The following PCGF5 variants were observed in gnomAD, a reference collection of about 807,000 sequenced individuals.
PCGF5 encodes the protein polycomb group ring finger 5.
Under a neutral mutation model 44.3 loss-of-function variants are expected in PCGF5, and 9 were observed. The observed-to-expected ratio is 0.20, with a 90% confidence interval of 0.12 to 0.35. The LOEUF is 0.35. Among genes scored for constraint, PCGF5 ranks in the 10% least tolerant of loss-of-function variants. The pLI is 1.00. For missense variants in PCGF5, 146 were observed against 305.3 expected (o/e 0.48, Z 3.89); for synonymous variants, 95 against 102.5 (o/e 0.93, Z 0.44).
chr10:91,279,286 A>C lies in PCGF5; in HGVS notation c.*970A>C, dbSNP rs1437849137. Reference sequence around the variant, plus strand: ...AATATTAGGATTTTTAGAGCACATAACATTAGCTATTTTATGGATTTCAAA... The same window carrying C: ...AATATTAGGATTTTTAGAGCACATACCATTAGCTATTTTATGGATTTCAAA... On this transcript the variant is annotated 3_prime_UTR_variant, in exon 10 of 10. Transcript: ENST00000336126. 2 of 152,160 alleles carry C rather than the reference A, an allele frequency of 1.3e-5. No homozygotes were observed. Among genetic ancestry groups the C allele is most frequent in the African/African-American group, 4.8e-5 (2 of 41,446 alleles). The allele number at this position is 152,160 out of a possible 1,614,324, so 9.4% of individuals were successfully genotyped here. A position where few individuals can be genotyped will look rare whatever the true frequency, so the allele number is the denominator to read the frequency against.
chr10:91,222,009 A>G (rs1273255081), intron 1 of PCGF5, among the ~76,000 whole-genome samples: 1 of 152,196 alleles, frequency 6.6e-6, no homozygotes, highest in Non-Finnish European at 1.5e-5. Flanking sequence ...CCTGCAGAGG[A>G]GACGGTGGGA....
intron 9 of PCGF5, among the ~76,000 whole-genome samples, chr10:91,273,462 A>G (rs906687208): frequency 1.8e-4 from 27 of 152,344 alleles, no homozygotes; most frequent in African/African-American, 6.0e-4. Context: ...AAATTTCTAA[A>G]TCCATACAAA....
intron 1 of PCGF5, among the ~76,000 whole-genome samples, chr10:91,197,146 T>A (rs1644551384): frequency 6.6e-6 from 1 of 152,224 alleles, no homozygotes; most frequent in South Asian, 2.1e-4. Context: ...AGTAATCATT[T>A]ATCTCTCACA....
intron 2 of PCGF5, among the ~76,000 whole-genome samples, chr10:91,238,078 A>G (rs1286059439): frequency 1.3e-5 from 2 of 152,250 alleles, no homozygotes; most frequent in Admixed American, 1.3e-4. Flanking sequence ...TCAAAATGTA[A>G]TTAATATAAA....
chr10:91,264,235 G>A (rs1336827058), intron 7 of PCGF5, among the ~76,000 whole-genome samples, 196 bp from the exon 8 acceptor site: 1 of 152,146 alleles, frequency 6.6e-6, no homozygotes, highest in Admixed American at 6.5e-5. Flanking sequence ...CTTGTATATA[G>A]TATACAGCAT....
chr10:91,194,130 C>T (rs531282368), intron 1 of PCGF5, among the ~76,000 whole-genome samples: 2 of 152,234 alleles, frequency 1.3e-5, no homozygotes, highest in South Asian at 2.1e-4. Flanking sequence ...GTTAAAGATG[C>T]AGAGTGTGGT....
chr10:91,231,344 G>A (rs1039124215), intron 2 of PCGF5, among the ~76,000 whole-genome samples: 1 of 152,174 alleles, frequency 6.6e-6, no homozygotes, highest in Non-Finnish European at 1.5e-5. Context: ...GTAGAAAAGG[G>A]GAAAGTCAAG....
At chr10:91,245,667 C>G (rs554148890) in intron 3 of PCGF5, among the ~76,000 whole-genome samples, 1 of 151,800 alleles carries the variant, frequency 6.6e-6, no homozygotes, top group African/African-American at 2.4e-5. Context: ...GGAGCATTGA[C>G]AAAAAAAATT....
chr10:91,202,988 A>G (rs1844280305), intron 1 of PCGF5, among the ~76,000 whole-genome samples: 2 of 152,228 alleles, frequency 1.3e-5, no homozygotes, highest in South Asian at 4.1e-4. Context: ...AAATTTTCTG[A>G]TGCAGAATAC....
chr10:91,212,714 A>C (rs1405969796), intron 1 of PCGF5, among the ~76,000 whole-genome samples: 1 of 152,232 alleles, frequency 6.6e-6, no homozygotes, highest in African/African-American at 2.4e-5. Flanking sequence ...GTAGGTAAGA[A>C]AATGGAAGGC....
rs1197621729 is a variant in PCGF5, at chr10:91,195,485, T to TATATAG, written c.-183-27203_-183-27202insTATAGA. On this transcript the variant is annotated intron_variant, in intron 1 of 9. Transcript: ENST00000614189. ...ATATATGCATGCATATATATATATA[T>TATATAG]AGAGAGAGAGAGAGAGAGAGAGACG... Among the ~76,000 whole-genome samples the TATATAG allele has an allele frequency of 7.9e-5, 9 of 113,546 alleles. No homozygotes were observed. The South Asian group carries it at 1.3e-3, about 17-fold the overall frequency. The allele number at this position is 113,546 out of a possible 152,430, so 74.5% of individuals were successfully genotyped here.
chr10:91,242,265 G>A (rs2133352400), intron 3 of PCGF5, among the ~76,000 whole-genome samples: 1 of 151,230 alleles, frequency 6.6e-6, no homozygotes, highest in African/African-American at 2.4e-5. Flanking sequence ...AGCCTCAAAT[G>A]TCAGTAGTAC....
At chr10:91,268,253 CTTTGGGATAAATTTGGATGAAG>C in intron 8 of PCGF5, among the ~76,000 whole-genome samples, 1 of 152,174 alleles carries the variant, frequency 6.6e-6, no homozygotes, top group African/African-American at 2.4e-5. Context: ...TGTCTACTTT[CTTTGGGATAAATTTGGATGAAG>C]TTTAAACATG....
At position 91,278,691 on chromosome 10, in the gene PCGF5, C is replaced by T. The variant is rs1846376122; in HGVS notation, c.*375C>T. The T allele has an allele frequency of 1.0e-5, 2 of 195,282 alleles. No individual in the cohort carries two copies. Among genetic ancestry groups the T allele is most frequent in the South Asian group, 1.5e-4 (1 of 6,646 alleles). The allele number at this position is 195,282 out of a possible 1,614,324, so 12.1% of individuals were successfully genotyped here. ...AATTTTTGTGGTGTTGCAGTTTTCA[C>T]ATACTTACTCTTTTATTCTTGTTTA... On this transcript the variant is annotated 3_prime_UTR_variant, in exon 10 of 10. Coordinates refer to ENST00000336126, the MANE Select transcript of PCGF5 (RefSeq NM_032373.5).
At chr10:91,253,601 T>G (rs1317184575) in intron 6 of PCGF5, among the ~76,000 whole-genome samples, 4 of 152,094 alleles carry the variant, frequency 2.6e-5, no homozygotes, top group African/African-American at 9.7e-5. Flanking sequence ...TTCAAAAGCT[T>G]CGCGTCATCT....
At chr10:91,238,617 T>C (rs1204878251) in intron 2 of PCGF5, among the ~76,000 whole-genome samples, 172 of 117,734 alleles carry the variant, frequency 1.5e-3, no homozygotes, top group Middle Eastern at 4.3e-3. Flanking sequence ...TTTTTTTTTT[T>C]TTTTTTTTTT....
intron 1 of PCGF5, among the ~76,000 whole-genome samples, chr10:91,221,051 C>T (rs918165967): frequency 3.3e-5 from 5 of 151,636 alleles, no homozygotes; most frequent in Admixed American, 6.6e-5. Flanking sequence ...ACGCCGGCCC[C>T]GGGAAAGGCT....
chr10:91,177,543 G>A (rs1258776964), intron 1 of PCGF5, among the ~76,000 whole-genome samples: 9 of 152,324 alleles, frequency 5.9e-5, no homozygotes, highest in African/African-American at 2.2e-4. Flanking sequence ...TTGAGCTGCG[G>A]TGGGCTCCAC....
rs754533370 is a variant in PCGF5, at chr10:91,251,392, T to C, written c.426T>C (p.Cys142=). ...YHRSDPQIAI[C]LDCLRNNGQS... ...GAAGTGACCCACAAATTGCTATCTG[T>C]CTAGATTGTTTACGAAATAATGGGC... The change falls in exon 6 of 10, where the codon TGT becomes TGC. Residue 142 remains cysteine, a synonymous_variant. Coordinates refer to ENST00000336126, the MANE Select transcript of PCGF5 (RefSeq NM_032373.5). The C allele has an allele frequency of 6.2e-7, 1 of 1,611,528 alleles. No homozygotes were observed. The highest frequency in any genetic ancestry group is 1.7e-4 in the Middle Eastern group (1 of 6,036).
Sources: gnomAD v4.1 joint callset for allele counts (sites outside exome capture counted in the v4.1 genomes callset) on GRCh38, gnomAD v4.1.1 for gene constraint, MANE v1.5 for transcripts, NCBI Gene and HGNC (gene_info 2026-07-23, HGNC 2026-07-21) for gene names.